Variants in TMEM178B observed in about 807,000 individuals in gnomAD.
TMEM178B encodes the protein transmembrane protein 178B.
In TMEM178B, 5 loss-of-function variants were observed where a neutral mutation model predicts 31.0. That is an observed-to-expected ratio of 0.16 (90% CI 0.08 to 0.34). TMEM178B has a LOEUF of 0.34. TMEM178B is among the 10% of genes least tolerant of loss of function. The pLI is 1.00. For synonymous variants in TMEM178B, 164 were observed against 164.0 expected (o/e 1.00, Z 0.00); for missense variants, 275 against 400.3 (o/e 0.69, Z 2.67).
At chr7:141,312,438 A>G (rs1467153492) in intron 2 of TMEM178B, among the ~76,000 whole-genome samples, 3 of 152,242 alleles carry the variant, frequency 2.0e-5, no homozygotes, top group African/African-American at 7.2e-5. Context: ...GTGGCTAACA[A>G]AGAGAAAGCA....
rs900480990 is a variant in TMEM178B, at chr7:141,318,333, C to T, written c.496+105629C>T. Among the ~76,000 whole-genome samples, 3 of 152,098 alleles carry T rather than the reference C, an allele frequency of 2.0e-5. No individual in the cohort carries two copies. The highest frequency in any genetic ancestry group is 3.8e-4 in the East Asian group (2 of 5,198). On this transcript the variant is annotated intron_variant, in intron 2 of 3. Coordinates refer to ENST00000565468, the MANE Select transcript of TMEM178B (RefSeq NM_001195278.2). The surrounding 1 kb of genome is among the most constrained non-coding windows in gnomAD (Gnocchi z 4.1). ...CATTTTGAGAGTGGGAATGGGGCTG[C>T]GAAATCAATAATTGGGTGTTTTAAT... is the stretch of plus-strand genomic sequence containing the variant.
At chr7:141,169,493 A>G (rs1796315018) in intron 1 of TMEM178B, among the ~76,000 whole-genome samples, 1 of 152,194 alleles carries the variant, frequency 6.6e-6, no homozygotes, top group Non-Finnish European at 1.5e-5. Context: ...GTGAATCACT[A>G]TTCACAATGA....
intron 2 of TMEM178B, among the ~76,000 whole-genome samples, chr7:141,265,621 G>A (rs183523324): frequency 1.2e-4 from 19 of 152,264 alleles, no homozygotes; most frequent in Non-Finnish European, 2.2e-4. Context: ...AATATTGCTG[G>A]ATAACCAAGT....
intron 1 of TMEM178B, among the ~76,000 whole-genome samples, chr7:141,208,067 C>T (rs2129187272): frequency 6.6e-6 from 1 of 152,226 alleles, no homozygotes; most frequent in African/African-American, 2.4e-5. Context: ...GTGGCATGTG[C>T]CTGTAGTCAC....
chr7:141,364,880 T>C (rs574567781), intron 2 of TMEM178B, among the ~76,000 whole-genome samples: 1 of 151,296 alleles, frequency 6.6e-6, no homozygotes, highest in East Asian at 1.9e-4. Flanking sequence ...CAGCTTTGAC[T>C]CATGATGCTG....
chr7:141,141,625 A>G (rs549349816), intron 1 of TMEM178B, among the ~76,000 whole-genome samples: 1 of 152,324 alleles, frequency 6.6e-6, no homozygotes, highest in African/African-American at 2.4e-5. Context: ...TGCCTAATAC[A>G]TAGCTGGCCC....
chr7:141,489,889 A>C, the TMEM178B span, among the ~76,000 whole-genome samples: 4 of 152,238 alleles, frequency 2.6e-5, no homozygotes, highest in African/African-American at 7.2e-5. Context: ...ACAGTGGCCC[A>C]GTGGTGCAAT....
intron 1 of TMEM178B, among the ~76,000 whole-genome samples, chr7:141,138,312 C>T (rs1037672319): frequency 1.3e-5 from 2 of 152,060 alleles, no homozygotes; most frequent in Non-Finnish European, 2.9e-5. Flanking sequence ...CCACCCATCT[C>T]GGCCTCCCAA....
intron 1 of TMEM178B, among the ~76,000 whole-genome samples, chr7:141,149,548 A>G (rs1384354915): frequency 6.6e-6 from 1 of 152,322 alleles, no homozygotes; most frequent in South Asian, 2.1e-4. Flanking sequence ...CAGCAACAAC[A>G]ACAACAACAA....
Position 141,074,556 on chromosome 7 carries a change from C to G in TMEM178B, c.246C>G (p.Ala82=). The change falls in exon 1 of 4, where the codon GCC becomes GCG. Residue 82 remains alanine, a synonymous_variant. Coordinates refer to ENST00000565468, the MANE Select transcript of TMEM178B (RefSeq NM_001195278.2). The surrounding 1 kb of genome is among the most constrained non-coding windows in gnomAD (Gnocchi z 5.1). ...LDRWEGKLLR[A]RNRRQLFAMS... is the part of the protein sequence containing the mutation. Reference sequence around the variant, plus strand: ...GCTGGGAGGGCAAACTCCTCCGGGCCCGGAATCGCCGGCAGCTGTTCGCCA... The same window carrying G: ...GCTGGGAGGGCAAACTCCTCCGGGCGCGGAATCGCCGGCAGCTGTTCGCCA... 1.3e-6 allele frequency: 2 copies of G among 1,535,960 alleles called. No homozygotes were observed. The highest frequency in any genetic ancestry group is 1.7e-6 in the Non-Finnish European group (2 of 1,146,778).
chr7:141,110,292 A>AT (rs1025890088), intron 1 of TMEM178B, among the ~76,000 whole-genome samples: 43 of 152,230 alleles, frequency 2.8e-4, no homozygotes, highest in Admixed American at 6.5e-4. Context: ...AGATTATAAA[A>AT]TTTGTTTGAA....
the TMEM178B span, among the ~76,000 whole-genome samples, chr7:141,485,387 C>A: frequency 3.3e-5 from 5 of 152,288 alleles, no homozygotes; most frequent in East Asian, 7.7e-4. Context: ...TAACTTTGGG[C>A]AAGATATTTA....
At chr7:141,305,600 G>A (rs1798803842) in intron 2 of TMEM178B, among the ~76,000 whole-genome samples, 1 of 151,714 alleles carries the variant, frequency 6.6e-6, no homozygotes, top group African/African-American at 2.4e-5. Context: ...GCTAATTTTT[G>A]TATTTTGTAT....
chr7:141,302,136 A>G (rs927510020), intron 2 of TMEM178B, among the ~76,000 whole-genome samples: 2 of 152,218 alleles, frequency 1.3e-5, no homozygotes, highest in Non-Finnish European at 2.9e-5. Flanking sequence ...TGCTATGTCT[A>G]TGTTATCATA....
chr7:141,097,369 A>C (rs1253949565), intron 1 of TMEM178B, among the ~76,000 whole-genome samples: 1 of 112,914 alleles, frequency 8.9e-6, no homozygotes, highest in Non-Finnish European at 1.7e-5. Context: ...CCGTCTCAAA[A>C]AAAAAAAAAA....
chr7:141,261,244 G>A (rs1321159210), intron 2 of TMEM178B, among the ~76,000 whole-genome samples: 5 of 151,904 alleles, frequency 3.3e-5, no homozygotes, highest in African/African-American at 7.3e-5. Context: ...AGGGCAGTGC[G>A]CTCTCTTCTA....
intron 2 of TMEM178B, among the ~76,000 whole-genome samples, chr7:141,378,954 CAT>C (rs1800265665): frequency 6.6e-6 from 1 of 152,156 alleles, no homozygotes; most frequent in Admixed American, 6.5e-5. Context: ...AGTTATGTGA[CAT>C]AACAGCAGTC....
intron 1 of TMEM178B, among the ~76,000 whole-genome samples, chr7:141,168,025 C>T (rs1796288622): frequency 6.6e-6 from 1 of 152,198 alleles, no homozygotes; most frequent in African/African-American, 2.4e-5. Flanking sequence ...ATAGATAGCA[C>T]TTTCAAGTTT....
chr7:141,412,539 T>C (rs1801010220), intron 2 of TMEM178B, among the ~76,000 whole-genome samples: 1 of 152,122 alleles, frequency 6.6e-6, no homozygotes, highest in Non-Finnish European at 1.5e-5. Flanking sequence ...ATTCATGATG[T>C]ATATTGACAA....
Sources: allele counts gnomAD v4.1 joint callset (sites outside exome capture counted in the v4.1 genomes callset), GRCh38; gene constraint gnomAD v4.1.1; non-coding constraint Gnocchi (gnomAD v3.1); transcripts MANE v1.5; gene names NCBI Gene and HGNC (gene_info 2026-07-23, HGNC 2026-07-21).